HIBADH: variants seen among roughly 807,000 people sequenced by gnomAD.
The protein encoded by HIBADH is 3-hydroxyisobutyrate dehydrogenase, mitochondrial.
HIBADH carries 25 observed loss-of-function variants against 36.1 expected under a neutral mutation model. The ratio of observed to expected loss-of-function variants is 0.69; its 90% CI spans 0.50 to 0.97. HIBADH has a LOEUF of 0.97. Among genes scored for constraint, HIBADH ranks in the 50% least tolerant of loss-of-function variants. The pLI, the probability that HIBADH is intolerant of heterozygous loss-of-function variation, is 0.00. For synonymous variants in HIBADH, 160 were observed against 149.5 expected (o/e 1.07, Z -0.51); for missense variants, 421 against 418.0 (o/e 1.01, Z -0.06).
At chr7:27,556,307 T>G (rs551345110) in intron 4 of HIBADH, among the ~76,000 whole-genome samples, 29 of 152,190 alleles carry the variant, frequency 1.9e-4, no homozygotes, top group Non-Finnish European at 4.0e-4. Context: ...TCCTGATTCT[T>G]GGTCTTTTTC....
intron 4 of HIBADH, among the ~76,000 whole-genome samples, chr7:27,625,920 G>A (rs1260822100): frequency 6.6e-6 from 1 of 151,842 alleles, no homozygotes; most frequent in Non-Finnish European, 1.5e-5. Flanking sequence ...TGGCCAACAT[G>A]GTGAAACCCT....
Position 27,643,896 on chromosome 7 carries a change from CTTCTT to C in HIBADH, c.252+5572_252+5576del, listed in dbSNP as rs1208747483. Among the ~76,000 whole-genome samples, 24 of 152,278 alleles carry C rather than the reference CTTCTT, an allele frequency of 1.6e-4. No individual in the cohort carries two copies. The South Asian group carries it at 4.1e-3, about 26-fold the overall frequency. ...GGCCTTCCCCTCTGTGTCTCTGTGT[CTTCTT>C]TTCTGTCTCTGGTAAGGACACTTGT... On this transcript the variant is annotated intron_variant, in intron 2 of 7. Transcript: ENST00000265395.
rs188943949 is a variant in HIBADH, at chr7:27,557,108, C to A, written c.485-14008G>T. Reference sequence around the variant, plus strand: ...CGAGGCATGTTCACACCACTGCACTCCAGCCTGAACAACAGAGTGAGACCC... The same window carrying A: ...CGAGGCATGTTCACACCACTGCACTACAGCCTGAACAACAGAGTGAGACCC... On this transcript the variant is annotated intron_variant, in intron 4 of 7. Transcript: ENST00000265395. 9.5e-4 allele frequency among the ~76,000 whole-genome samples: 144 copies of A among 151,070 alleles called. 1 individual carries two copies. Among genetic ancestry groups the A allele is most frequent in the Non-Finnish European group, 1.6e-3 (107 of 67,894 alleles).
chr7:27,643,979 A>G lies in HIBADH; in HGVS notation c.252+5494T>C, dbSNP rs1420067044. Among the ~76,000 whole-genome samples, 4 of 152,204 alleles carry G rather than the reference A, an allele frequency of 2.6e-5. No individual in the cohort carries two copies. In the East Asian group the frequency reaches 7.7e-4, roughly 29 times the overall value. On this transcript the variant is annotated intron_variant, in intron 2 of 7. Transcript: ENST00000265395. ...CACGATGATCTCATCTTAACTTTAG[A>G]TCGTCAAAGACCCTGTTTCCAAAAA...
chr7:27,566,573 C>CTATTTATTTG (rs1784551916), intron 4 of HIBADH, among the ~76,000 whole-genome samples: 1 of 151,884 alleles, frequency 6.6e-6, no homozygotes, highest in Non-Finnish European at 1.5e-5. Context: ...TTTATTATTT[C>CTATTTATTTG]CTTTATTCTA....
chr7:27,626,796 T>C (rs535769558), intron 4 of HIBADH, among the ~76,000 whole-genome samples: 1 of 152,324 alleles, frequency 6.6e-6, no homozygotes, highest in South Asian at 2.1e-4. Context: ...TACGTACCTA[T>C]ATATAAATCC....
At chr7:27,563,322 G>A (rs1053284510) in intron 4 of HIBADH, among the ~76,000 whole-genome samples, 1 of 152,184 alleles carries the variant, frequency 6.6e-6, no homozygotes, top group Non-Finnish European at 1.5e-5. Flanking sequence ...GGATTTTTAA[G>A]TCGTTTTCAG....
chr7:27,598,530 A>T (rs992133612), intron 4 of HIBADH, among the ~76,000 whole-genome samples: 1 of 152,216 alleles, frequency 6.6e-6, no homozygotes, highest in Admixed American at 6.5e-5. Flanking sequence ...TTGTTTGCTT[A>T]ATGGTTTGAA....
At chr7:27,550,654 C>A (rs1363928505) in intron 4 of HIBADH, among the ~76,000 whole-genome samples, 1 of 152,180 alleles carries the variant, frequency 6.6e-6, no homozygotes, top group Non-Finnish European at 1.5e-5. Context: ...CATGACCCCC[C>A]TTTCTCTATT....
chr7:27,651,045 TTC>T (rs1786182861), intron 1 of HIBADH, among the ~76,000 whole-genome samples: 1 of 152,110 alleles, frequency 6.6e-6, no homozygotes, highest in Non-Finnish European at 1.5e-5. Flanking sequence ...TTTCCCAGCA[TTC>T]TTTTTCTTTT....
chr7:27,569,830 T>C (rs952191311), intron 4 of HIBADH, among the ~76,000 whole-genome samples: 3 of 152,158 alleles, frequency 2.0e-5, no homozygotes, highest in Non-Finnish European at 4.4e-5. Flanking sequence ...CAGAGAGGAT[T>C]CACTTCCCTT....
At chr7:27,538,031 A>G (rs1046317112) in intron 6 of HIBADH, among the ~76,000 whole-genome samples, 1 of 152,208 alleles carries the variant, frequency 6.6e-6, no homozygotes, top group African/African-American at 2.4e-5. Flanking sequence ...TTTTACAGAA[A>G]AGTGTTTCTT....
At chr7:27,582,074 T>G (rs1014703278) in intron 4 of HIBADH, among the ~76,000 whole-genome samples, 1 of 152,176 alleles carries the variant, frequency 6.6e-6, no homozygotes, top group Admixed American at 6.5e-5. Flanking sequence ...GACTTAGGAT[T>G]AACAGTCTCT....
intron 4 of HIBADH, among the ~76,000 whole-genome samples, chr7:27,597,907 C>A (rs1180564201): frequency 6.6e-6 from 1 of 152,166 alleles, no homozygotes; most frequent in East Asian, 1.9e-4. Context: ...AATCACCCCA[C>A]AGACTCAGTT....
chr7:27,591,787 T>C (rs1441263730), intron 4 of HIBADH, among the ~76,000 whole-genome samples: 1 of 152,218 alleles, frequency 6.6e-6, no homozygotes, highest in African/African-American at 2.4e-5. Context: ...CAGCATCTTT[T>C]AAATGGAGTT....
At chr7:27,646,519 T>C (rs1210483354) in intron 2 of HIBADH, among the ~76,000 whole-genome samples, 3 of 151,764 alleles carry the variant, frequency 2.0e-5, no homozygotes, top group Non-Finnish European at 2.9e-5. Context: ...TATAAACATA[T>C]AGACTATGTT....
intron 2 of HIBADH, among the ~76,000 whole-genome samples, chr7:27,642,546 G>C (rs184442793): frequency 2.6e-5 from 4 of 151,912 alleles, no homozygotes; most frequent in Non-Finnish European, 4.4e-5. Context: ...CTTCAGCAAA[G>C]ACTGAGGCTC....
At chr7:27,609,103 T>A (rs1785281503) in intron 4 of HIBADH, among the ~76,000 whole-genome samples, 3 of 152,224 alleles carry the variant, frequency 2.0e-5, no homozygotes, top group Admixed American at 2.0e-4. Flanking sequence ...GCAATAATAG[T>A]AATTATTACT....
chr7:27,532,182 T>G (rs552346003), intron 6 of HIBADH, among the ~76,000 whole-genome samples: 1 of 152,330 alleles, frequency 6.6e-6, no homozygotes, highest in East Asian at 1.9e-4. Context: ...ATTACTTGGA[T>G]TCTAAAGATA....
Sources: allele counts gnomAD v4.1 joint callset (sites outside exome capture counted in the v4.1 genomes callset), GRCh38; gene constraint gnomAD v4.1.1; transcripts MANE v1.5; gene names NCBI Gene and HGNC (gene_info 2026-07-23, HGNC 2026-07-21).